Variants in RBFOX1 observed in about 807,000 individuals in gnomAD.
RBFOX1 encodes RNA binding protein fox-1 homolog 1.
Under a neutral mutation model 57.7 loss-of-function variants are expected in RBFOX1, and 8 were observed. The ratio of observed to expected loss-of-function variants is 0.14; its 90% CI spans 0.08 to 0.25. RBFOX1 has a LOEUF of 0.25. Among genes scored for constraint, RBFOX1 ranks in the 10% least tolerant of loss-of-function variants. The pLI is 1.00. For missense variants in RBFOX1, 611 were observed against 548.5 expected, an observed-to-expected ratio of 1.11 and a Z score of -1.14; for synonymous variants, 326 against 222.4, an observed-to-expected ratio of 1.47 and a Z score of -4.15.
Position 5,408,523 on chromosome 16 carries a change from C to G in RBFOX1, c.220-58693C>G, listed in dbSNP as rs927010839. 1.5e-4 allele frequency among the ~76,000 whole-genome samples: 23 copies of G among 152,320 alleles called. 1 individual carries two copies. Among genetic ancestry groups the G allele is most frequent in the African/African-American group, 5.5e-4 (23 of 41,578 alleles). On this transcript the variant is annotated intron_variant, in intron 1 of 2. Coordinates refer to the RBFOX1 transcript ENST00000585867. ...AGCCCACGTCTGGTTTCTGAGGGAT[C>G]TCTCTTTCTCCTGGACCATTCCTCT... is the stretch of plus-strand genomic sequence containing the variant.
At chr16:6,310,191 T>C (rs975347185) in intron 1 of RBFOX1, among the ~76,000 whole-genome samples, 2 of 152,194 alleles carry the variant, frequency 1.3e-5, no homozygotes, top group African/African-American at 2.4e-5. Flanking sequence ...CAGCCGCTTA[T>C]TGCCTTTAAG....
intron 3 of RBFOX1, among the ~76,000 whole-genome samples, chr16:6,834,924 G>A (rs530042155): frequency 4.4e-5 from 6 of 135,276 alleles, no homozygotes; most frequent in Non-Finnish European, 6.1e-5. Context: ...ATGGTGTCTC[G>A]CTCTGTTGCC....
chr16:6,859,119 A>ACATATATATATGTATATATATATATG (rs1555536656), intron 3 of RBFOX1, among the ~76,000 whole-genome samples: 4 of 82,212 alleles, frequency 4.9e-5, no homozygotes, highest in African/African-American at 1.7e-4. Flanking sequence ...GTGTATATAT[A>ACATATATATATGTATATATATATATG]TATATATATA....
chr16:7,328,477 C>CTAA (rs2096641755), intron 4 of RBFOX1, among the ~76,000 whole-genome samples: 1 of 60,748 alleles, frequency 1.6e-5, no homozygotes, highest in African/African-American at 6.1e-5. Context: ...GACTCTGTCT[C>CTAA]AAAAAAAAAA....
intron 3 of RBFOX1, among the ~76,000 whole-genome samples, chr16:5,766,176 C>G (rs902765099): frequency 6.6e-6 from 1 of 152,156 alleles, no homozygotes; most frequent in South Asian, 2.1e-4. Flanking sequence ...CTATTAGGAA[C>G]TTAAGAACAG....
At chr16:5,274,191 C>T (rs1159109755) in intron 1 of RBFOX1, among the ~76,000 whole-genome samples, 4 of 152,118 alleles carry the variant, frequency 2.6e-5, no homozygotes, top group Non-Finnish European at 5.9e-5. Flanking sequence ...CCCTTTTTAA[C>T]CCACAGAAGA....
chr16:6,192,734 C>T (rs1339648312), intron 1 of RBFOX1, among the ~76,000 whole-genome samples: 1 of 152,066 alleles, frequency 6.6e-6, no homozygotes, highest in Non-Finnish European at 1.5e-5. Flanking sequence ...TTGTACTGAC[C>T]TCATAAGGTT....
intron 1 of RBFOX1, among the ~76,000 whole-genome samples, chr16:5,302,523 A>G (rs2063830667): frequency 6.6e-6 from 1 of 152,212 alleles, no homozygotes; most frequent in Admixed American, 6.5e-5. Context: ...TCAGTTACTC[A>G]GAATGGAGTG....
chr16:5,693,179 G>C (rs1336526373), intron 3 of RBFOX1, among the ~76,000 whole-genome samples: 9 of 152,090 alleles, frequency 5.9e-5, no homozygotes, highest in Non-Finnish European at 1.0e-4. Flanking sequence ...CCTTCCCTGA[G>C]ATGATACATC....
chr16:6,860,304 C>T (rs1049120638), intron 3 of RBFOX1, among the ~76,000 whole-genome samples: 2 of 152,146 alleles, frequency 1.3e-5, no homozygotes, highest in Admixed American at 6.5e-5. Context: ...ACTAAATGTT[C>T]TCAGTTCTGA....
intron 4 of RBFOX1, among the ~76,000 whole-genome samples, chr16:7,283,325 C>G (rs1367436427): frequency 6.6e-6 from 1 of 151,942 alleles, no homozygotes; most frequent in Non-Finnish European, 1.5e-5. Flanking sequence ...TCTGCAGTCT[C>G]TATACTCCAA....
At chr16:5,915,598 A>G (rs988292475) in intron 4 of RBFOX1, among the ~76,000 whole-genome samples, 2 of 152,104 alleles carry the variant, frequency 1.3e-5, no homozygotes, top group Non-Finnish European at 2.9e-5. Context: ...TTGGGAGGTC[A>G]AGGTGGGCAG....
chr16:5,248,008 A>G (rs1191054467), intron 1 of RBFOX1, among the ~76,000 whole-genome samples: 1 of 152,234 alleles, frequency 6.6e-6, no homozygotes, highest in East Asian at 1.9e-4. Flanking sequence ...AAGAGAAAGG[A>G]GGGAGGAAAT....
intron 6 of RBFOX1, 92 bp downstream of exon 6, chr16:7,580,012 G>T (rs956863537): frequency 2.4e-5 from 33 of 1,391,456 alleles, no homozygotes; most frequent in Non-Finnish European, 3.0e-5. Flanking sequence ...ACAATACTAA[G>T]GTTAGATGTT....
At chr16:6,975,246 A>G (rs2086564163) in intron 3 of RBFOX1, among the ~76,000 whole-genome samples, 1 of 145,226 alleles carries the variant, frequency 6.9e-6, no homozygotes, top group South Asian at 2.3e-4. Flanking sequence ...TACTCAACCA[A>G]GAAGAAATCA....
intron 3 of RBFOX1, among the ~76,000 whole-genome samples, chr16:6,880,664 A>C (rs1165080475): frequency 1.3e-5 from 2 of 152,178 alleles, no homozygotes; most frequent in Admixed American, 1.3e-4. Flanking sequence ...GCAGTAAAGA[A>C]ATCTAGATAA....
intron 4 of RBFOX1, among the ~76,000 whole-genome samples, chr16:7,208,160 G>T (rs956702494): frequency 6.6e-6 from 1 of 152,134 alleles, no homozygotes; most frequent in Non-Finnish European, 1.5e-5. Flanking sequence ...TTGGAGGCAG[G>T]TATCTTACTT....
chr16:6,786,678 G>T (rs2082017317), intron 3 of RBFOX1, among the ~76,000 whole-genome samples: 1 of 152,130 alleles, frequency 6.6e-6, no homozygotes, highest in Admixed American at 6.5e-5. Flanking sequence ...GGTCAACAAA[G>T]TTCTGTTTTC....
At chr16:6,464,742 T>C (rs540515502) in intron 2 of RBFOX1, among the ~76,000 whole-genome samples, 3 of 152,374 alleles carry the variant, frequency 2.0e-5, no homozygotes, top group South Asian at 4.1e-4. Flanking sequence ...TTACGGATCA[T>C]ATGCAAAACA....
Sources: allele counts gnomAD v4.1 joint callset (sites outside exome capture counted in the v4.1 genomes callset), GRCh38; gene constraint gnomAD v4.1.1; transcripts MANE v1.5; gene names NCBI Gene and HGNC (gene_info 2026-07-23, HGNC 2026-07-21).